PTPRN2: variants seen among roughly 807,000 people sequenced by gnomAD.
The protein encoded by PTPRN2 is receptor-type tyrosine-protein phosphatase N2.
Under a neutral mutation model 118.8 loss-of-function variants are expected in PTPRN2, and 74 were observed. The ratio of observed to expected loss-of-function variants is 0.62; its 90% CI spans 0.52 to 0.76. PTPRN2 has a LOEUF of 0.76. Ranked by LOEUF, PTPRN2 falls within the 30% of genes least tolerant of loss-of-function variation. PTPRN2 has a pLI of 0.00. For missense variants in PTPRN2, 1,481 were observed against 1,394.4 expected (o/e 1.06, Z -0.99); for synonymous variants, 641 against 608.0 (o/e 1.05, Z -0.80).
intron 3 of PTPRN2, among the ~76,000 whole-genome samples, chr7:158,262,955 T>TACACACATTC (rs1563055542): frequency 8.5e-6 from 1 of 117,370 alleles, no homozygotes; most frequent in East Asian, 2.7e-4. Flanking sequence ...TTCACACACA[T>TACACACATTC]ACACACATTC....
At chr7:158,471,989 G>C (rs966753707) in intron 2 of PTPRN2, among the ~76,000 whole-genome samples, 7 of 152,024 alleles carry the variant, frequency 4.6e-5, no homozygotes, top group Admixed American at 3.3e-4. Context: ...CCACGGTTCC[G>C]GCCCCGCCAC....
At chr7:157,574,006 T>C (rs1563224725) in intron 19 of PTPRN2, among the ~76,000 whole-genome samples, 1 of 152,038 alleles carries the variant, frequency 6.6e-6, no homozygotes, top group Non-Finnish European at 1.5e-5. Flanking sequence ...GCATCACAAA[T>C]AGAGAGGAAA....
chr7:158,071,551 TGG>T (rs1811679154), intron 11 of PTPRN2, among the ~76,000 whole-genome samples: 1 of 115,770 alleles, frequency 8.6e-6, no homozygotes, highest in Non-Finnish European at 1.8e-5. Flanking sequence ...GAGGTGCTCC[TGG>T]TGGTGGAGGT....
chr7:157,596,818 G>T lies in PTPRN2; in HGVS notation c.2419-1503C>A, dbSNP rs1032589099. Among the ~76,000 whole-genome samples the T allele has an allele frequency of 6.6e-6, 1 of 152,220 alleles. No individual in the cohort carries two copies. The highest frequency in any genetic ancestry group is 6.5e-5 in the Admixed American group (1 of 15,282). On this transcript the variant is annotated intron_variant, in intron 16 of 22. Coordinates refer to ENST00000389418, the MANE Select transcript of PTPRN2 (RefSeq NM_002847.5). This position sits in a 1 kb window ranked among gnomAD's most constrained non-coding sequence, Gnocchi z 4.2. ...TAAAATGGACTCTTTTGCTATCAGG[G>T]TTTGATTCGAGATTTACAATGTTCA...
intron 12 of PTPRN2, among the ~76,000 whole-genome samples, chr7:157,747,841 G>T: frequency 7.3e-6 from 1 of 137,498 alleles, no homozygotes; most frequent in Non-Finnish European, 1.5e-5. Flanking sequence ...GCTTTGGGCT[G>T]TCCGGGTGAT....
At chr7:157,700,589 A>G (rs563177487) in intron 12 of PTPRN2, among the ~76,000 whole-genome samples, 1 of 152,222 alleles carries the variant, frequency 6.6e-6, no homozygotes, top group East Asian at 1.9e-4. Context: ...GGCCTCCTGC[A>G]GTCCTGGGGT....
At chr7:158,283,034 T>C (rs988333751) in intron 3 of PTPRN2, among the ~76,000 whole-genome samples, 6 of 152,196 alleles carry the variant, frequency 3.9e-5, no homozygotes, top group Non-Finnish European at 8.8e-5. Flanking sequence ...GGCTGATCCC[T>C]CCTCGTGCTC....
intron 1 of PTPRN2, chr7:158,539,535 A>G (rs1825848688): frequency 1.3e-5 from 2 of 155,780 alleles, no homozygotes; most frequent in African/African-American, 4.8e-5. Flanking sequence ...AGCTCGAATG[A>G]GTGACGGTCC....
chr7:158,302,680 C>A (rs1175942133), intron 3 of PTPRN2, among the ~76,000 whole-genome samples: 2 of 152,272 alleles, frequency 1.3e-5, no homozygotes, highest in Non-Finnish European at 2.9e-5. Context: ...CGTGCCGCAG[C>A]TGGAACTTAA....
At chr7:157,669,778 C>T in intron 13 of PTPRN2, among the ~76,000 whole-genome samples, 1 of 152,198 alleles carries the variant, frequency 6.6e-6, no homozygotes, top group East Asian at 1.9e-4. Context: ...AAAAAGCGGC[C>T]TCTCCGCTCG....
intron 12 of PTPRN2, among the ~76,000 whole-genome samples, chr7:157,811,141 G>T (rs969439348): frequency 6.6e-6 from 1 of 151,324 alleles, no homozygotes; most frequent in Non-Finnish European, 1.5e-5. Context: ...CGTGGTGGCG[G>T]GCACCTGTAG....
intron 19 of PTPRN2, among the ~76,000 whole-genome samples, chr7:157,571,854 G>A (rs977786163): frequency 6.6e-6 from 1 of 151,706 alleles, no homozygotes; most frequent in Non-Finnish European, 1.5e-5. Context: ...ACTACATCTT[G>A]ATTCTTCACT....
chr7:157,659,176 C>T (rs1563315445), intron 13 of PTPRN2, among the ~76,000 whole-genome samples: 1 of 151,698 alleles, frequency 6.6e-6, no homozygotes, highest in Non-Finnish European at 1.5e-5. Flanking sequence ...CTGCTTCGGA[C>T]TCATAGCGAG....
At chr7:158,191,984 G>A (rs148422659) in intron 5 of PTPRN2, among the ~76,000 whole-genome samples, 36 of 152,248 alleles carry the variant, frequency 2.4e-4, no homozygotes, top group African/African-American at 3.8e-4. Flanking sequence ...CTGCTGTCCC[G>A]GATCCTTTCT....
At chr7:158,150,042 G>T (rs567321584) in intron 6 of PTPRN2, among the ~76,000 whole-genome samples, 6 of 152,178 alleles carry the variant, frequency 3.9e-5, no homozygotes, top group Non-Finnish European at 5.9e-5. Flanking sequence ...TGGCATCAAG[G>T]GCATGAATGA....
chr7:157,960,844 T>G (rs565286813), intron 11 of PTPRN2, among the ~76,000 whole-genome samples: 2 of 151,526 alleles, frequency 1.3e-5, no homozygotes, highest in Non-Finnish European at 2.9e-5. Flanking sequence ...CCGTCTCTAC[T>G]AAAAATACAA....
intron 2 of PTPRN2, among the ~76,000 whole-genome samples, chr7:158,439,464 A>G (rs889802189): frequency 6.6e-6 from 1 of 152,222 alleles, no homozygotes; most frequent in Non-Finnish European, 1.5e-5. Flanking sequence ...AGACAGGGAC[A>G]GAGAAGAAGT....
At chr7:158,227,037 G>A (rs1166083926) in intron 3 of PTPRN2, among the ~76,000 whole-genome samples, 1 of 152,088 alleles carries the variant, frequency 6.6e-6, no homozygotes, top group Non-Finnish European at 1.5e-5. Flanking sequence ...ACCAGCTCCA[G>A]GAGAGGACCC....
intron 2 of PTPRN2, among the ~76,000 whole-genome samples, chr7:158,379,809 G>A (rs1298865777): frequency 1.3e-5 from 2 of 152,166 alleles, no homozygotes; most frequent in African/African-American, 4.8e-5. Flanking sequence ...CCTGAGACTG[G>A]GTAATTTATG....
Sources: allele counts gnomAD v4.1 joint callset (sites outside exome capture counted in the v4.1 genomes callset), GRCh38; gene constraint gnomAD v4.1.1; non-coding constraint Gnocchi (gnomAD v3.1); transcripts MANE v1.5; gene names NCBI Gene and HGNC (gene_info 2026-07-23, HGNC 2026-07-21).